Variants in MTCL1 observed in about 807,000 individuals in gnomAD.
MTCL1 encodes microtubule crosslinking factor 1, also known as microtubule cross-linking factor 1.
A neutral mutation model predicts 141.4 loss-of-function variants in MTCL1; 79 were observed. The observed-to-expected ratio is 0.56, with a 90% confidence interval of 0.47 to 0.67. The LOEUF is 0.67. Among genes scored for constraint, MTCL1 ranks in the 30% least tolerant of loss-of-function variants. MTCL1 has a pLI of 0.00. For synonymous variants in MTCL1, 914 were observed against 875.8 expected (o/e 1.04, Z -0.77); for missense variants, 2,177 against 2,113.9 (o/e 1.03, Z -0.59).
upstream of MTCL1, among the ~76,000 whole-genome samples, chr18:8,713,288 A>C (rs2096105789): frequency 6.6e-6 from 1 of 152,262 alleles, no homozygotes. Context: ...TTAATACTTA[A>C]GTATCCTCCA....
At chr18:8,774,777 C>T (rs1314666) in intron 4 of MTCL1, among the ~76,000 whole-genome samples, 34,906 of 152,188 alleles carry the variant, frequency 0.23, 4,240 homozygotes, top group East Asian at 0.37. Context: ...CATGAGCCAC[C>T]GCCCCTGGCC....
upstream of MTCL1, among the ~76,000 whole-genome samples, chr18:8,715,870 A>T (rs2096125529): frequency 6.6e-6 from 1 of 152,258 alleles, no homozygotes. Context: ...CTGTTTGTGG[A>T]AGGTTTGCAG....
At chr18:8,789,554 T>C (rs956227897) in intron 7 of MTCL1, 14 of 985,300 alleles carry the variant, frequency 1.4e-5, no homozygotes, top group African/African-American at 1.4e-4. Context: ...TGCAGCTCTA[T>C]TGGGGAAGAC....
exon 6 of MTCL1, chr18:8,784,619 G>A: frequency 6.2e-7 from 1 of 1,613,640 alleles, no homozygotes; most frequent in South Asian, 1.1e-5. Flanking sequence ...GGAGCAGGGT[G>A]AGGGGGACCA....
chr18:8,721,087 A>G (rs1448623024), intron 4 of MTCL1, among the ~76,000 whole-genome samples: 1 of 152,188 alleles, frequency 6.6e-6, no homozygotes, highest in Non-Finnish European at 1.5e-5. Flanking sequence ...AAATGAATAT[A>G]TATTTTTTTC....
At chr18:8,762,921 A>G (rs1316908280) in intron 4 of MTCL1, among the ~76,000 whole-genome samples, 2 of 152,186 alleles carry the variant, frequency 1.3e-5, no homozygotes, top group Non-Finnish European at 2.9e-5. Context: ...CTGTTGTTAC[A>G]GTGGCTGTTT....
intron 4 of MTCL1, among the ~76,000 whole-genome samples, chr18:8,760,497 C>T (rs2096426350): frequency 6.6e-6 from 1 of 152,196 alleles, no homozygotes; most frequent in African/African-American, 2.4e-5. Context: ...GCGGGGTGGC[C>T]CCACTCACCT....
At chr18:8,784,362 A>G (rs1306453766) in exon 6 of MTCL1, 1 of 1,535,168 alleles carries the variant, frequency 6.5e-7, no homozygotes, top group Non-Finnish European at 8.8e-7. Context: ...GGGGAGAGTG[A>G]CTCGGAGGAA....
chr18:8,769,871 A>G (rs1317084051), intron 4 of MTCL1, among the ~76,000 whole-genome samples: 1 of 152,234 alleles, frequency 6.6e-6, no homozygotes, highest in African/African-American at 2.4e-5. Flanking sequence ...ACTTTTCCAA[A>G]TAAGGAATTC....
chr18:8,740,986 C>T (rs2096299997), intron 4 of MTCL1, among the ~76,000 whole-genome samples: 1 of 152,188 alleles, frequency 6.6e-6, no homozygotes, highest in Non-Finnish European at 1.5e-5. Context: ...GGTCTTCTCA[C>T]CACAGACTCT....
chr18:8,733,533 G>A (rs1032410523), intron 4 of MTCL1, among the ~76,000 whole-genome samples: 1 of 152,100 alleles, frequency 6.6e-6, no homozygotes, highest in African/African-American at 2.4e-5. Context: ...GGCCTTCCCG[G>A]TAGCTGAGAT....
chr18:8,730,615 T>C (rs1354876616), intron 4 of MTCL1, among the ~76,000 whole-genome samples: 1 of 152,228 alleles, frequency 6.6e-6, no homozygotes, highest in Non-Finnish European at 1.5e-5. Context: ...CTCGCTGGGC[T>C]TGGACAACGC....
intron 1 of MTCL1, among the ~76,000 whole-genome samples, chr18:8,711,855 T>G (rs1567922430): frequency 1.3e-5 from 2 of 152,312 alleles, no homozygotes; most frequent in Middle Eastern, 3.4e-3. Flanking sequence ...CCAGGCACTT[T>G]CTTAATGCTG....
intron 4 of MTCL1, among the ~76,000 whole-genome samples, chr18:8,745,882 C>T (rs914084870): frequency 2.6e-5 from 4 of 152,188 alleles, no homozygotes; most frequent in Non-Finnish European, 5.9e-5. Flanking sequence ...CATTAAACAA[C>T]AAGTCTCCAT....
intron 4 of MTCL1, among the ~76,000 whole-genome samples, chr18:8,746,944 A>G (rs2096341932): frequency 6.6e-6 from 1 of 152,198 alleles, no homozygotes; most frequent in South Asian, 2.1e-4. Context: ...AGGGAAGCCC[A>G]TTTAAGATTT....
chr18:8,776,683 C>T lies in MTCL1; in HGVS notation c.358-1150C>T, dbSNP rs1446044357. Reference sequence around the variant, plus strand: ...GTAAACAAGGGCCGCCCTTCTCTTCCTTCACACCACTTTTTATCTGGCCAC... The same window carrying T: ...GTAAACAAGGGCCGCCCTTCTCTTCTTTCACACCACTTTTTATCTGGCCAC... On this transcript the variant is annotated intron_variant, in intron 4 of 16. Coordinates refer to ENST00000359865, the Ensembl canonical transcript of MTCL1. 2.0e-5 allele frequency among the ~76,000 whole-genome samples: 3 copies of T among 152,218 alleles called. No individual in the cohort carries two copies. In the East Asian group the frequency reaches 5.8e-4, roughly 29 times the overall value.
chr18:8,803,836 A>G (rs772622174), intron 10 of MTCL1, among the ~76,000 whole-genome samples: 30 of 152,248 alleles, frequency 2.0e-4, no homozygotes, highest in Non-Finnish European at 3.8e-4. Context: ...GCCAAAAAGT[A>G]CTTGCTTCCA....
At chr18:8,799,188 A>G (rs1349057086) in intron 10 of MTCL1, among the ~76,000 whole-genome samples, 1 of 152,166 alleles carries the variant, frequency 6.6e-6, no homozygotes, top group Non-Finnish European at 1.5e-5. Context: ...TGGACGCCAC[A>G]ACTGCTGCTC....
chr18:8,767,924 G>T (rs1298530407), intron 4 of MTCL1, among the ~76,000 whole-genome samples: 3 of 152,098 alleles, frequency 2.0e-5, no homozygotes, highest in Non-Finnish European at 4.4e-5. Flanking sequence ...TTGTTGAGAT[G>T]ATATTAAGTA....
Sources: gnomAD v4.1 joint callset for allele counts (sites outside exome capture counted in the v4.1 genomes callset) on GRCh38, gnomAD v4.1.1 for gene constraint, MANE v1.5 for transcripts, NCBI Gene and HGNC (gene_info 2026-07-23, HGNC 2026-07-21) for gene names.